STK33: variants seen among roughly 807,000 people sequenced by gnomAD.
The protein encoded by STK33 is serine/threonine kinase 33.
A neutral mutation model predicts 58.0 loss-of-function variants in STK33; 52 were observed. The ratio of observed to expected loss-of-function variants is 0.90; its 90% CI spans 0.72 to 1.13. The LOEUF is 1.13. Ranked by LOEUF, STK33 falls within the 50% of genes most tolerant of loss-of-function variation. The pLI, the probability that STK33 is intolerant of heterozygous loss-of-function variation, is 0.00. For missense variants in STK33, 630 were observed against 604.2 expected, an observed-to-expected ratio of 1.04 and a Z score of -0.45; for synonymous variants, 215 against 200.1, an observed-to-expected ratio of 1.07 and a Z score of -0.63.
chr11:8,373,955 C>T, the STK33 span, among the ~76,000 whole-genome samples: 41 of 152,350 alleles, frequency 2.7e-4, no homozygotes, highest in African/African-American at 9.4e-4. Context: ...GCCATGACAA[C>T]ATGCAATTCC....
At chr11:8,501,911 G>A (rs911329023) in intron 1 of STK33, among the ~76,000 whole-genome samples, 2 of 152,034 alleles carry the variant, frequency 1.3e-5, no homozygotes, top group African/African-American at 2.4e-5. Flanking sequence ...AAAATATTCT[G>A]CTAAGTAAAA....
At chr11:8,337,974 CTT>C in the STK33 span, among the ~76,000 whole-genome samples, 5 of 152,186 alleles carry the variant, frequency 3.3e-5, no homozygotes, top group African/African-American at 9.7e-5. Flanking sequence ...CCGCCACACA[CTT>C]TATCTTTCTG....
At chr11:8,420,996 G>C (rs1245547205) in intron 14 of STK33, among the ~76,000 whole-genome samples, 1 of 151,656 alleles carries the variant, frequency 6.6e-6, no homozygotes, top group Non-Finnish European at 1.5e-5. Context: ...AAAAAAAAGG[G>C]GAGGGGGGGA....
chr11:8,491,453 C>G (rs1258727822), intron 1 of STK33, among the ~76,000 whole-genome samples: 1 of 151,998 alleles, frequency 6.6e-6, no homozygotes, highest in Non-Finnish European at 1.5e-5. Flanking sequence ...GTGAAAAGAC[C>G]AAATCTACGT....
chr11:8,514,507 T>C (rs1371039328), intron 1 of STK33, among the ~76,000 whole-genome samples: 1 of 152,204 alleles, frequency 6.6e-6, no homozygotes, highest in Non-Finnish European at 1.5e-5. Flanking sequence ...GGGATGTTAC[T>C]GATAGCCTCC....
chr11:8,497,272 T>C (rs1016912061), intron 1 of STK33, among the ~76,000 whole-genome samples: 3 of 152,074 alleles, frequency 2.0e-5, no homozygotes, highest in African/African-American at 7.2e-5. Flanking sequence ...CTGAGTGGCA[T>C]AAACTCAAAA....
At chr11:8,413,425 CAA>C (rs3833784) in intron 15 of STK33, 68 bp downstream of exon 15, 1 of 1,543,890 alleles carries the variant, frequency 6.5e-7, no homozygotes, top group Non-Finnish European at 8.9e-7. Flanking sequence ...GACAGATTTG[CAA>C]AAAAAATGTT....
intron 1 of STK33, among the ~76,000 whole-genome samples, chr11:8,565,370 T>C (rs986119982): frequency 6.6e-6 from 1 of 152,184 alleles, no homozygotes; most frequent in African/African-American, 2.4e-5. Context: ...TAATTTCCCA[T>C]TGGATATAAG....
chr11:8,519,967 G>A (rs1015441424), intron 1 of STK33, among the ~76,000 whole-genome samples: 1 of 152,198 alleles, frequency 6.6e-6, no homozygotes, highest in Admixed American at 6.5e-5. Context: ...AATAGAAAAA[G>A]AGAAAATCCT....
intron 1 of STK33, among the ~76,000 whole-genome samples, chr11:8,577,609 T>C (rs982729734): frequency 2.6e-5 from 4 of 152,226 alleles, no homozygotes; most frequent in South Asian, 4.1e-4. Flanking sequence ...CTCCTGGACA[T>C]AGTAATTACT....
At chr11:8,533,142 T>C (rs944990774) in intron 1 of STK33, among the ~76,000 whole-genome samples, 1 of 152,254 alleles carries the variant, frequency 6.6e-6, no homozygotes, top group Non-Finnish European at 1.5e-5. Context: ...CTTTCAAAGA[T>C]GCTAACTCTA....
rs375049035 is a variant in STK33 at position 8,548,639 on chromosome 11, A to G, written c.-466+45444T>C. 1.4e-4 allele frequency among the ~76,000 whole-genome samples: 22 copies of G among 152,180 alleles called. 1 individual carries two copies. In the East Asian group the frequency reaches 4.2e-3, roughly 29 times the overall value. Reference sequence around the variant, plus strand: ...TTTTAGAATTTTTCTTCTATTCTGTAAAGAATGTCATTGGTATTTTGAGAG... The same window carrying G: ...TTTTAGAATTTTTCTTCTATTCTGTGAAGAATGTCATTGGTATTTTGAGAG... On this transcript the variant is annotated intron_variant, in intron 1 of 15. Transcript: ENST00000687296.
chr11:8,391,690 C>G (rs1477660059), downstream of STK33, among the ~76,000 whole-genome samples: 2 of 151,972 alleles, frequency 1.3e-5, no homozygotes, highest in African/African-American at 4.8e-5. Flanking sequence ...AATTAGTTAC[C>G]CAGGTGGAAA....
intron 1 of STK33, among the ~76,000 whole-genome samples, chr11:8,530,197 G>A (rs970838372): frequency 5.3e-5 from 8 of 152,140 alleles, no homozygotes; most frequent in South Asian, 2.1e-4. Flanking sequence ...CCTAATAATA[G>A]TCTGAGGCAA....
chr11:8,459,782 G>C (rs1947296930), intron 8 of STK33, among the ~76,000 whole-genome samples: 1 of 152,150 alleles, frequency 6.6e-6, no homozygotes, highest in African/African-American at 2.4e-5. Context: ...GGAGAATGCT[G>C]TAGAGAGAGA....
intron 1 of STK33, among the ~76,000 whole-genome samples, chr11:8,549,712 G>T (rs180711622): frequency 6.6e-6 from 1 of 152,092 alleles, no homozygotes; most frequent in East Asian, 1.9e-4. Flanking sequence ...AATTCTGATA[G>T]GTTATGTATA....
chr11:8,359,269 A>C, the STK33 span, among the ~76,000 whole-genome samples: 6 of 152,312 alleles, frequency 3.9e-5, no homozygotes, highest in East Asian at 1.2e-3. Context: ...GTTATATGTC[A>C]GTGCTAATTT....
chr11:8,436,031 G>A lies in STK33; in HGVS notation c.1056C>T (p.Asp352=). The change falls in exon 13 of 16, where the codon GAC becomes GAT. Residue 352 remains aspartate, a synonymous_variant. Transcript: ENST00000687296. ...TAATAACGCATCTATACTTACCACA[G>A]TCACTTATGGAATTCCAGACTGCAT... ...FENAVWNSIS[D]CAKSVLKQLM... 6.4e-7 allele frequency: 1 copy of A among 1,560,334 alleles called. No individual in the cohort carries two copies. Among genetic ancestry groups the A allele is most frequent in the Non-Finnish European group, 8.7e-7 (1 of 1,152,162 alleles).
At chr11:8,405,702 T>C (rs1424596785) in intron 15 of STK33, among the ~76,000 whole-genome samples, 2 of 152,224 alleles carry the variant, frequency 1.3e-5, no homozygotes, top group Non-Finnish European at 2.9e-5. Context: ...GATTTAGTTC[T>C]ACCCTTCTCA....
Sources: allele counts gnomAD v4.1 joint callset (sites outside exome capture counted in the v4.1 genomes callset), GRCh38; gene constraint gnomAD v4.1.1; transcripts MANE v1.5; gene names NCBI Gene and HGNC (gene_info 2026-07-23, HGNC 2026-07-21).